The following RTTN variants were observed in gnomAD, a reference collection of about 807,000 sequenced individuals.
RTTN encodes the protein rotatin.
In RTTN, 182 loss-of-function variants were observed where a neutral mutation model predicts 269.2. The ratio of observed to expected loss-of-function variants is 0.68; its 90% CI spans 0.60 to 0.76. The LOEUF (loss-of-function observed/expected upper bound fraction) is 0.76, where lower values mean the gene tolerates loss of function less well. RTTN is among the 30% of genes least tolerant of loss of function. The pLI is 0.00. For missense variants in RTTN, 2,545 were observed against 2,608.6 expected (o/e 0.98, Z 0.53); for synonymous variants, 1,006 against 963.5 (o/e 1.04, Z -0.82).
Position 70,074,142 on chromosome 18 carries a change from A to T in RTTN, c.4565-148T>A, listed in dbSNP as rs541151394. On this transcript the variant is annotated intron_variant, in intron 33 of 48. Transcript: ENST00000640769. ...TGGCTTCTGAGATAGACCACTATTT[A>T]AAAAAAAAAAAATCTAAGGAGAGTT... is the stretch of plus-strand genomic sequence containing the variant. 4.6e-3 allele frequency: 960 copies of T among 209,298 alleles called. 8 individuals carry two copies. Among genetic ancestry groups the T allele is most frequent in the African/African-American group, 0.026 (841 of 32,682 alleles). The allele number at this position is 209,298 out of a possible 1,614,324, so 13.0% of individuals were successfully genotyped here. A position where few individuals can be genotyped will look rare whatever the true frequency, so the allele number is the denominator to read the frequency against.
In RTTN at chr18:70,075,521, C is replaced by T. The variant is rs1212897595; in HGVS notation, c.4395G>A (p.Glu1465=). The T allele has an allele frequency of 6.3e-7, 1 of 1,583,200 alleles. No individual in the cohort carries two copies. The highest frequency in any genetic ancestry group is 1.2e-5 in the South Asian group (1 of 84,252). The change falls in exon 33 of 49, where the codon GAG becomes GAA. Residue 1465 remains glutamate (E), a synonymous_variant. Coordinates refer to ENST00000640769, the MANE Select transcript of RTTN (RefSeq NM_173630.4). ...TTCCAATGAGCGATAGGCCAGAGTCCTCATCATGAACACAGGGACCCTGTA... is the reference window on the plus strand; with the variant it reads ...TTCCAATGAGCGATAGGCCAGAGTCTTCATCATGAACACAGGGACCCTGTA... ...YTWQGPCVHD[E]DSGLSLIGKP...
intron 14 of RTTN, among the ~76,000 whole-genome samples, chr18:70,160,640 CA>C (rs1367245004): frequency 7.8e-6 from 1 of 127,930 alleles, no homozygotes; most frequent in African/African-American, 2.9e-5. Context: ...TCTCTCTTCA[CA>C]GATGATTCTA....
At chr18:70,167,672 C>A in intron 12 of RTTN, among the ~76,000 whole-genome samples, 1 of 151,250 alleles carries the variant, frequency 6.6e-6, no homozygotes. Context: ...CCACTGCACT[C>A]CAGCCTGGGA....
chr18:70,114,536 C>T lies in RTTN; in HGVS notation c.3592G>A (p.Asp1198Asn), dbSNP rs780458823. The T allele has an allele frequency of 6.2e-7, 1 of 1,613,718 alleles. No homozygotes were observed. The highest frequency in any genetic ancestry group is 8.5e-7 in the Non-Finnish European group (1 of 1,179,666). Residue 1198 changes from aspartate to asparagine, a missense_variant, in exon 27 of 49, where the codon GAT becomes AAT. By Grantham distance (23) the Asp-to-Asn change is conservative. Coordinates refer to ENST00000640769, the MANE Select transcript of RTTN (RefSeq NM_173630.4). ...TESQAREETD[D>N]IRTAVRQQLQ... ...TGTTGCCTGACAGCAGTCCGGATAT[C>T]ATCTGTTTCTTCTCGTGCCTGTGAC... is the stretch of plus-strand genomic sequence containing the variant.
At chr18:70,077,406 T>C (rs999393674) in intron 32 of RTTN, among the ~76,000 whole-genome samples, 3 of 151,944 alleles carry the variant, frequency 2.0e-5, no homozygotes, top group Non-Finnish European at 4.4e-5. Flanking sequence ...TGAGAGATCT[T>C]AAATCTGCTG....
chr18:70,012,536 TGTTA>T (rs1239137618), intron 46 of RTTN, among the ~76,000 whole-genome samples: 4 of 151,094 alleles, frequency 2.6e-5, no homozygotes, highest in Admixed American at 1.3e-4. Flanking sequence ...TGCTCACTGG[TGTTA>T]GATAGAGGGC....
At chr18:70,101,823 T>G (rs2059175543) in intron 28 of RTTN, among the ~76,000 whole-genome samples, 1 of 152,204 alleles carries the variant, frequency 6.6e-6, no homozygotes, top group Non-Finnish European at 1.5e-5. Context: ...TCTGCCTTCA[T>G]TTCGTTACGT....
At chr18:70,073,801 A>T in intron 34 of RTTN, 105 bp downstream of exon 34, 1 of 750,934 alleles carries the variant, frequency 1.3e-6, no homozygotes, top group Non-Finnish European at 2.3e-6. Context: ...CGAATAAATC[A>T]TAGCTGTTAT....
chr18:70,204,108 G>C lies in RTTN; in HGVS notation c.375C>G (p.Ala125=), dbSNP rs778213570. Reference sequence around the variant, plus strand: ...TACCAGTTTGATTGGTTTGGTATGAGGCAGAAGATAGTGCAGGAACTTCCG... The same window carrying C: ...TACCAGTTTGATTGGTTTGGTATGACGCAGAAGATAGTGCAGGAACTTCCG... ...LPSEVPALSS[A]SYQTNQTELS... Residue 125 remains alanine (A), a synonymous_variant, in exon 3 of 49, where the codon GCC becomes GCG. Transcript: ENST00000640769. 1.1e-5 allele frequency: 17 copies of C among 1,612,218 alleles called. No homozygotes were observed. The highest frequency in any genetic ancestry group is 5.0e-5 in the Admixed American group (3 of 59,864).
chr18:70,055,713 A>G (rs1474667540), intron 37 of RTTN, among the ~76,000 whole-genome samples: 1 of 152,212 alleles, frequency 6.6e-6, no homozygotes, highest in Non-Finnish European at 1.5e-5. Flanking sequence ...AAGAAGTGTT[A>G]TAGAGAAAAC....
At chr18:70,104,394 CT>C (rs1273224628) in intron 28 of RTTN, among the ~76,000 whole-genome samples, 1 of 152,148 alleles carries the variant, frequency 6.6e-6, no homozygotes, top group East Asian at 1.9e-4. Context: ...TTCGTCTAAT[CT>C]TTCTTCAAGG....
chr18:70,006,853 C>A, intron 46 of RTTN: 1 of 178,176 alleles, frequency 5.6e-6, no homozygotes, highest in Non-Finnish European at 1.2e-5. Flanking sequence ...GATCTGCTTT[C>A]ATGATAAATT....
intron 40 of RTTN, among the ~76,000 whole-genome samples, chr18:70,044,799 C>T (rs1255271940): frequency 6.6e-6 from 1 of 152,142 alleles, no homozygotes; most frequent in Non-Finnish European, 1.5e-5. Flanking sequence ...CTAGACATAG[C>T]ATGATTCACG....
intron 32 of RTTN, among the ~76,000 whole-genome samples, chr18:70,084,859 A>T (rs531181133): frequency 6.8e-4 from 103 of 152,340 alleles, no homozygotes; most frequent in African/African-American, 2.4e-3. Context: ...GATTTCCATG[A>T]TGAAGACTGG....
rs2058490612 is a variant in RTTN at position 70,078,796 on chromosome 18, C to T, written c.4375-3255G>A. 5.9e-5 allele frequency among the ~76,000 whole-genome samples: 9 copies of T among 151,912 alleles called. 2 individuals carry two copies. The South Asian group carries it at 1.9e-3, about 32-fold the overall frequency. On this transcript the variant is annotated intron_variant, in intron 32 of 48. Transcript: ENST00000640769. Reference sequence around the variant, plus strand: ...GTAAACATAATCAACGCTCACAAAGCAAAAAGTAAAAATAAAACTATTAAA... The same window carrying T: ...GTAAACATAATCAACGCTCACAAAGTAAAAAGTAAAAATAAAACTATTAAA...
At chr18:70,018,662 A>G (rs1050822986) in intron 45 of RTTN, among the ~76,000 whole-genome samples, 10 of 152,164 alleles carry the variant, frequency 6.6e-5, no homozygotes, top group African/African-American at 1.9e-4. Flanking sequence ...CACAATAAGT[A>G]AACTGTAAAA....
At chr18:70,176,531 T>C (rs2061305769) in intron 11 of RTTN, 144 bp downstream of exon 11, 1 of 561,276 alleles carries the variant, frequency 1.8e-6, no homozygotes, top group Non-Finnish European at 2.8e-6. Context: ...ATTTCTACAT[T>C]TCCCATATAA....
chr18:70,080,828 GCACA>G (rs1468694317), intron 32 of RTTN, among the ~76,000 whole-genome samples: 1 of 151,962 alleles, frequency 6.6e-6, no homozygotes, highest in African/African-American at 2.4e-5. Context: ...AAAGATACTT[GCACA>G]CACATGTTTA....
chr18:70,140,073 C>T (rs775197249), intron 20 of RTTN, 27 bp downstream of exon 20: 19 of 1,423,480 alleles, frequency 1.3e-5, no homozygotes, highest in Non-Finnish European at 9.9e-7. Flanking sequence ...GCCTGTAAAA[C>T]AATGTCTAGA....
Sources: gnomAD v4.1 joint callset for allele counts (sites outside exome capture counted in the v4.1 genomes callset) on GRCh38, gnomAD v4.1.1 for gene constraint, MANE v1.5 for transcripts, NCBI Gene and HGNC (gene_info 2026-07-23, HGNC 2026-07-21) for gene names.